The following TMEM135 variants were observed in gnomAD, a reference collection of about 807,000 sequenced individuals.
TMEM135 encodes transmembrane protein 135, also known as peroxisomal membrane protein 52.
A neutral mutation model predicts 60.3 loss-of-function variants in TMEM135; 30 were observed. The observed-to-expected ratio is 0.50, with a 90% confidence interval of 0.37 to 0.68. The LOEUF (loss-of-function observed/expected upper bound fraction) is 0.68. TMEM135 is among the 30% of genes least tolerant of loss of function. The pLI is 0.00. For missense variants in TMEM135, 468 were observed against 548.8 expected (o/e 0.85, Z 1.47); for synonymous variants, 190 against 186.7 (o/e 1.02, Z -0.14).
At chr11:87,269,307 CTTTTT>C (rs34439506) in intron 6 of TMEM135, among the ~76,000 whole-genome samples, 3 of 121,080 alleles carry the variant, frequency 2.5e-5, no homozygotes, top group African/African-American at 9.5e-5. Flanking sequence ...TATGAGGAAG[CTTTTT>C]TTTTTGTGCA....
At chr11:87,169,426 G>T (rs1023660188) in intron 5 of TMEM135, among the ~76,000 whole-genome samples, 1 of 151,656 alleles carries the variant, frequency 6.6e-6, no homozygotes, top group African/African-American at 2.4e-5. Context: ...GTATGTTTTT[G>T]CAGTGGCTGG....
At chr11:87,147,424 C>G (rs1206550525) in intron 4 of TMEM135, among the ~76,000 whole-genome samples, 1 of 152,224 alleles carries the variant, frequency 6.6e-6, no homozygotes, top group Non-Finnish European at 1.5e-5. Context: ...GGCCTCTTAA[C>G]TCCTGGACTC....
chr11:87,183,135 ATTTT>A lies in TMEM135; in HGVS notation c.462+25751_462+25754del, dbSNP rs772123636. On this transcript the variant is annotated intron_variant, in intron 5 of 14. Transcript: ENST00000305494. ...AATTAACATGAGTTGGTAATCACTA[ATTTT>A]TTTTTTTTTTTTTTTTTTTTTGAGA... Among the ~76,000 whole-genome samples, 153 of 92,618 alleles carry A rather than the reference ATTTT, an allele frequency of 1.7e-3. 1 individual carries two copies. The highest frequency in any genetic ancestry group is 8.1e-3 in the Middle Eastern group (1 of 124). 60.8% of individuals were successfully genotyped at this position (92,618 alleles called of 152,430 possible). A position where few individuals can be genotyped will look rare whatever the true frequency, so the allele number is the denominator to read the frequency against.
At chr11:87,111,346 G>A (rs1313904114) in intron 4 of TMEM135, among the ~76,000 whole-genome samples, 1 of 151,924 alleles carries the variant, frequency 6.6e-6, no homozygotes, top group Non-Finnish European at 1.5e-5. Flanking sequence ...TGTCTTCTAT[G>A]TCTATCTTTG....
At chr11:87,258,191 A>G (rs1384146407) in intron 6 of TMEM135, among the ~76,000 whole-genome samples, 1 of 94,598 alleles carries the variant, frequency 1.1e-5, no homozygotes, top group East Asian at 2.4e-4. Flanking sequence ...TTTGGGGAAA[A>G]GCCTTTTTTT....
intron 7 of TMEM135, among the ~76,000 whole-genome samples, chr11:87,298,786 C>CAACAAAAAAA (rs1942392203): frequency 1.7e-5 from 1 of 57,716 alleles, no homozygotes; most frequent in African/African-American, 7.6e-5. Context: ...GACTCTGTCT[C>CAACAAAAAAA]AAAAAAAAAA....
chr11:87,087,585 A>G (rs1857122902), intron 3 of TMEM135, among the ~76,000 whole-genome samples: 1 of 152,208 alleles, frequency 6.6e-6, no homozygotes, highest in African/African-American at 2.4e-5. Context: ...TTTTGTTACA[A>G]ACAAGTCATG....
rs118178733 is a variant in TMEM135 at position 87,218,664 on chromosome 11, A to G, written c.463-17974A>G. Among the ~76,000 whole-genome samples the G allele has an allele frequency of 2.6e-5, 4 of 152,302 alleles. No individual in the cohort carries two copies. The East Asian group carries it at 7.7e-4, about 29-fold the overall frequency. ...TTCCAAGCCGTCAACTCACAGGGCTATAAAAATGTGCTGTAGGCTGGGCGC... is the reference window on the plus strand; with the variant it reads ...TTCCAAGCCGTCAACTCACAGGGCTGTAAAAATGTGCTGTAGGCTGGGCGC... On this transcript the variant is annotated intron_variant, in intron 5 of 14. Transcript: ENST00000305494.
chr11:87,078,113 G>T (rs1340107393), intron 3 of TMEM135, among the ~76,000 whole-genome samples: 2 of 152,192 alleles, frequency 1.3e-5, no homozygotes, highest in African/African-American at 4.8e-5. Flanking sequence ...TGGAATTGCT[G>T]CCTTAATATG....
chr11:87,219,917 A>G (rs1940581186), intron 5 of TMEM135, among the ~76,000 whole-genome samples: 1 of 152,200 alleles, frequency 6.6e-6, no homozygotes, highest in Non-Finnish European at 1.5e-5. Context: ...TTCATGCTGT[A>G]GTCACTACTA....
intron 5 of TMEM135, among the ~76,000 whole-genome samples, chr11:87,231,504 C>T (rs1940888455): frequency 6.6e-6 from 1 of 152,262 alleles, no homozygotes; most frequent in South Asian, 2.1e-4. Flanking sequence ...AAGATCAAAC[C>T]ATTTCCAAGT....
intron 10 of TMEM135, among the ~76,000 whole-genome samples, chr11:87,311,533 G>C (rs1480107962): frequency 1.3e-5 from 2 of 151,860 alleles, no homozygotes; most frequent in Non-Finnish European, 2.9e-5. Flanking sequence ...TTTAGCCCCA[G>C]GTTGGTTATT....
intron 9 of TMEM135, among the ~76,000 whole-genome samples, chr11:87,307,758 G>A (rs568093642): frequency 3.9e-5 from 6 of 152,078 alleles, no homozygotes; most frequent in Non-Finnish European, 8.8e-5. Context: ...TTTTGACAAT[G>A]GACCTCATTA....
rs1337617182 is a variant in TMEM135 at position 87,157,206 on chromosome 11, A to G, written c.397-135A>G. The G allele has an allele frequency of 1.4e-5, 11 of 790,892 alleles. No homozygotes were observed. The Admixed American group carries it at 2.5e-4, about 18-fold the overall frequency. The allele number at this position is 790,892 out of a possible 1,614,324, so 49.0% of individuals were successfully genotyped here. A position where few individuals can be genotyped will look rare whatever the true frequency, so the allele number is the denominator to read the frequency against. On this transcript the variant is annotated intron_variant, in intron 4 of 14. Coordinates refer to ENST00000305494, the MANE Select transcript of TMEM135 (RefSeq NM_022918.4). ...GTAGCTAGGACTATAGGCATATACAACTTATTGATCGTTCTCTAGAAGTTG... is the reference window on the plus strand; with the variant it reads ...GTAGCTAGGACTATAGGCATATACAGCTTATTGATCGTTCTCTAGAAGTTG...
intron 5 of TMEM135, among the ~76,000 whole-genome samples, chr11:87,199,453 A>G (rs1395796049): frequency 2.0e-5 from 3 of 152,226 alleles, no homozygotes; most frequent in Admixed American, 1.3e-4. Flanking sequence ...ATAGACAAGC[A>G]TTCACTTTAG....
At chr11:87,275,909 G>A (rs575952590) in intron 6 of TMEM135, among the ~76,000 whole-genome samples, 22 of 152,138 alleles carry the variant, frequency 1.4e-4, no homozygotes, top group Admixed American at 6.5e-4. Flanking sequence ...TGATCCGCCC[G>A]TCTAGGCCTC....
intron 5 of TMEM135, among the ~76,000 whole-genome samples, chr11:87,179,953 T>A (rs776722751): frequency 6.6e-6 from 1 of 152,110 alleles, no homozygotes; most frequent in Non-Finnish European, 1.5e-5. Flanking sequence ...GTTGTTGTTG[T>A]TGTTTTCTCT....
At chr11:87,224,515 A>G (rs1940723402) in intron 5 of TMEM135, among the ~76,000 whole-genome samples, 1 of 152,168 alleles carries the variant, frequency 6.6e-6, no homozygotes, top group South Asian at 2.1e-4. Flanking sequence ...TTAATGTCTC[A>G]GGAGGAAAAA....
chr11:87,250,564 CTA>C (rs1271115823), intron 6 of TMEM135, among the ~76,000 whole-genome samples: 7 of 151,710 alleles, frequency 4.6e-5, no homozygotes, highest in African/African-American at 1.7e-4. Context: ...TGTTTAATGT[CTA>C]TGTGTAGTTT....
Sources: allele counts gnomAD v4.1 joint callset (sites outside exome capture counted in the v4.1 genomes callset), GRCh38; gene constraint gnomAD v4.1.1; transcripts MANE v1.5; gene names NCBI Gene and HGNC (gene_info 2026-07-23, HGNC 2026-07-21).